CLUH: variants seen among roughly 807,000 people sequenced by gnomAD.
CLUH encodes clustered mitochondria protein homolog.
A neutral mutation model predicts 139.3 loss-of-function variants in CLUH; 77 were observed. The ratio of observed to expected loss-of-function variants is 0.55; its 90% CI spans 0.46 to 0.67. The LOEUF is 0.67. Among genes scored for constraint, CLUH ranks in the 30% least tolerant of loss-of-function variants. The pLI is 0.00. For missense variants in CLUH, 1,876 were observed against 1,875.8 expected (o/e 1.00, Z 0.00); for synonymous variants, 999 against 801.6 (o/e 1.25, Z -4.16).
intron 8 of CLUH, 30 bp from the exon 9 acceptor site, chr17:2,700,504 G>A (rs1467425838): frequency 1.9e-6 from 3 of 1,598,726 alleles, no homozygotes; most frequent in Non-Finnish European, 1.7e-6. Context: ...GGAAAAACGA[G>A]CTCAGCCTGT....
In CLUH at chr17:2,692,761, G is replaced by C; in HGVS notation, c.3312+19C>G. 6.3e-7 allele frequency: 1 copy of C among 1,599,832 alleles called. No individual in the cohort carries two copies. Among genetic ancestry groups the C allele is most frequent in the South Asian group, 1.1e-5 (1 of 90,164 alleles). On this transcript the variant is annotated intron_variant, in intron 20 of 25. Transcript: ENST00000651024. Reference sequence around the variant, plus strand: ...CCAGCCCCTCGCATCCCCCGGCGCGGGCGGCACTCGCGACTCACGTATTCC... The same window carrying C: ...CCAGCCCCTCGCATCCCCCGGCGCGCGCGGCACTCGCGACTCACGTATTCC...
chr17:2,698,653 C>T lies in CLUH; in HGVS notation c.1267-63G>A, dbSNP rs1438026712. On this transcript the variant is annotated intron_variant, in intron 9 of 25. Transcript: ENST00000651024. ...CCCACAAGAGCCTGCATCCACCTGGCCAAGCGCACGCACCTAGACCGCGGA... is the reference window on the plus strand; with the variant it reads ...CCCACAAGAGCCTGCATCCACCTGGTCAAGCGCACGCACCTAGACCGCGGA... The T allele has an allele frequency of 9.7e-5, 140 of 1,442,374 alleles. 1 individual carries two copies. The highest frequency in any genetic ancestry group is 1.3e-4 in the Non-Finnish European group (138 of 1,082,786). The allele number at this position is 1,442,374 out of a possible 1,614,324, so 89.3% of individuals were successfully genotyped here. A position where few individuals can be genotyped will look rare whatever the true frequency, so the allele number is the denominator to read the frequency against.
At position 2,690,635 on chromosome 17, in the gene CLUH, G is replaced by T; in HGVS notation, c.4006C>A (p.Pro1336Thr). ...AGAPGDLGSQPPAAKDPSPSV... is the reference protein window; with the variant it reads ...AGAPGDLGSQTPAAKDPSPSV... The stretch of plus-strand genomic sequence containing the variant: ...GGAGAAGGGTCCTTGGCAGCCGGGG[G>T]CTGGGAGCCCAGGTCTCCTGGGGCC... Residue 1336 changes from proline to threonine, a missense_variant, in exon 26 of 26, where the codon CCC becomes ACC. Around this residue, in one of 3 missense-constraint regions of CLUH, gnomAD observed 1,454 missense variants for 1,384.4 expected, o/e 1.05. Transcript: ENST00000651024. 1 of 1,509,684 alleles carries T rather than the reference G, an allele frequency of 6.6e-7. No individual in the cohort carries two copies. Among genetic ancestry groups the T allele is most frequent in the Non-Finnish European group, 8.8e-7 (1 of 1,135,438 alleles). The allele number at this position is 1,509,684 out of a possible 1,614,324, so 93.5% of individuals were successfully genotyped here.
chr17:2,691,950 C>A lies in CLUH; in HGVS notation c.3654+54G>T, dbSNP rs1344900436. On this transcript the variant is annotated intron_variant, in intron 23 of 25. Transcript: ENST00000651024. ...CCCCGTGCCCCCGCGGCCCCGCCCC[C>A]GCCCCGCCACGCCCCCGCCCCGCCC... 6.4e-6 allele frequency: 7 copies of A among 1,097,250 alleles called. 1 individual carries two copies. Among genetic ancestry groups the A allele is most frequent in the East Asian group, 4.3e-5 (1 of 23,384 alleles). The allele number at this position is 1,097,250 out of a possible 1,614,324, so 68.0% of individuals were successfully genotyped here. A position where few individuals can be genotyped will look rare whatever the true frequency, so the allele number is the denominator to read the frequency against.
In CLUH at chr17:2,692,816, C is replaced by G; in HGVS notation, c.3276G>C (p.Val1092=). Residue 1092 remains valine (V), a synonymous_variant, in exon 20 of 26, where the codon GTG becomes GTC. Coordinates refer to ENST00000651024, the MANE Select transcript of CLUH (RefSeq NM_001366661.1). ...QQKAVLMSER[V]MGTEHPNTIQ... ...TGGTGTTGGGGTGCTCGGTGCCCAT[C>G]ACCCGCTCGCTCATCAGCACCGCCT... 6.2e-7 allele frequency: 1 copy of G among 1,604,434 alleles called. No homozygotes were observed. Among genetic ancestry groups the G allele is most frequent in the Non-Finnish European group, 8.5e-7 (1 of 1,173,818 alleles).
chr17:2,690,876 C>T, intron 25 of CLUH, 99 bp from the exon 26 acceptor site: 1 of 949,916 alleles, frequency 1.1e-6, no homozygotes, highest in Non-Finnish European at 1.5e-6. Flanking sequence ...GCTCTGCGCT[C>T]TATTCAGTGG....
chr17:2,701,818 G>T, intron 4 of CLUH, 81 bp from the exon 5 acceptor site: 2 of 1,574,238 alleles, frequency 1.3e-6, no homozygotes, highest in Non-Finnish European at 8.6e-7. Flanking sequence ...CGTGGTCCGG[G>T]TGCCTCAGGC....
At position 2,707,184 on chromosome 17, in the gene CLUH, G is replaced by C. The variant is rs933186061; in HGVS notation, c.101-2620C>G. ...GTCCCGGTGCTCACCTGGTGCAGTT[G>C]GCAGCTGCCCTCCCCTCGGCTCTGG... On this transcript the variant is annotated intron_variant, in intron 1 of 25. Coordinates refer to ENST00000651024, the MANE Select transcript of CLUH (RefSeq NM_001366661.1). This position sits in a 1 kb window ranked among gnomAD's most constrained non-coding sequence, Gnocchi z 7.4. The C allele has an allele frequency of 1.0e-6, 1 of 985,394 alleles. No individual in the cohort carries two copies. Among genetic ancestry groups the C allele is most frequent in the South Asian group, 4.7e-5 (1 of 21,290 alleles). The allele number at this position is 985,394 out of a possible 1,614,324, so 61.0% of individuals were successfully genotyped here.
chr17:2,709,099 G>A (rs547332706), intron 1 of CLUH, among the ~76,000 whole-genome samples: 58 of 152,200 alleles, frequency 3.8e-4, no homozygotes, highest in African/African-American at 1.2e-3. Context: ...TGGAGGCGCC[G>A]GGAGCTCAAA....
In CLUH at chr17:2,701,188, T is replaced by A. The variant is rs1199486003; in HGVS notation, c.977A>T (p.Gln326Leu). 6.2e-7 allele frequency: 1 copy of A among 1,613,964 alleles called. No individual in the cohort carries two copies. The highest frequency in any genetic ancestry group is 1.7e-5 in the Admixed American group (1 of 60,008). The change falls in exon 7 of 26, where the codon CAG becomes CTG. Residue 326 changes from glutamine (Q) to leucine (L), a missense_variant. Physicochemically the swap from Gln to Leu is moderately radical, Grantham distance 113. Around this residue, in one of 3 missense-constraint regions of CLUH, gnomAD observed 270 missense variants for 354.7 expected, o/e 0.76. Coordinates refer to ENST00000651024, the MANE Select transcript of CLUH (RefSeq NM_001366661.1). The part of the protein sequence containing the change: ...LSHSLVELLN[Q>L]ISPTFKKNFA... ...GTTCTTCTTGAAGGTCGGGCTGATC[T>A]GGTTGAGCAGCTCCACTAGGGAATG...
Position 2,703,533 on chromosome 17 carries a change from G to C in CLUH, c.304-44C>G. 1 of 1,592,414 alleles carries C rather than the reference G, an allele frequency of 6.3e-7. No individual in the cohort carries two copies. On this transcript the variant is annotated intron_variant, in intron 2 of 25. Transcript: ENST00000651024. This position sits in a 1 kb window ranked among gnomAD's most constrained non-coding sequence, Gnocchi z 4.2. ...GCCCACCCCGGTGAGAGAGCACGTA[G>C]CGGGGAGAGAAGGCCCCAACCGCCC...
At chr17:2,708,400 G>A (rs2070411035) in intron 1 of CLUH, among the ~76,000 whole-genome samples, 1 of 152,200 alleles carries the variant, frequency 6.6e-6, no homozygotes, top group East Asian at 1.9e-4. Flanking sequence ...CCCCAGAGAA[G>A]TGTTGACAAC....
chr17:2,701,099 C>T (rs753716728), intron 7 of CLUH, 41 bp downstream of exon 7: 10 of 1,612,796 alleles, frequency 6.2e-6, no homozygotes, highest in East Asian at 4.5e-5. Context: ...CCCATGCCCC[C>T]GTGTGCCATG....
chr17:2,693,796 T>C, intron 19 of CLUH, 104 bp downstream of exon 19: 1 of 1,420,728 alleles, frequency 7.0e-7, no homozygotes, highest in South Asian at 1.4e-5. Context: ...ACCAGCGACT[T>C]CCTGGGGTCT....
chr17:2,690,067 T>G lies in CLUH; in HGVS notation c.*527A>C, dbSNP rs1567571846. 1 of 150,570 alleles carries G rather than the reference T, an allele frequency of 6.6e-6. No individual in the cohort carries two copies. Among genetic ancestry groups the G allele is most frequent in the East Asian group, 2.0e-4 (1 of 5,098 alleles). 9.3% of individuals were successfully genotyped at this position (150,570 alleles called of 1,614,324 possible). ...TCCAGCCCCGCCACAGAGCTCCGGC[T>G]CCCCACCCCTCCCCACCGGGTTTTT... is the stretch of plus-strand genomic sequence containing the variant. On this transcript the variant is annotated 3_prime_UTR_variant, in exon 26 of 26. Transcript: ENST00000651024.
rs371156312 is a variant in CLUH at position 2,701,159 on chromosome 17, C to T, written c.1006G>A (p.Ala336Thr). The T allele has an allele frequency of 1.2e-4, 187 of 1,613,832 alleles. No individual in the cohort carries two copies. Among genetic ancestry groups the T allele is most frequent in the East Asian group, 3.1e-4 (14 of 44,894 alleles). ...CACTACCTTTTCTTCTGCAGCACAGCGAAGTTCTTCTTGAAGGTCGGGCTG... is the reference window on the plus strand; with the variant it reads ...CACTACCTTTTCTTCTGCAGCACAGTGAAGTTCTTCTTGAAGGTCGGGCTG... Reference protein sequence around the residue: ...QISPTFKKNFAVLQKKRVQRH... With the variant: ...QISPTFKKNFTVLQKKRVQRH... Residue 336 changes from alanine (A) to threonine (T), a missense_variant, in exon 7 of 26, where the codon GCT becomes ACT. Ala to Thr is a moderately conservative substitution (Grantham distance 58). Coordinates refer to ENST00000651024, the MANE Select transcript of CLUH (RefSeq NM_001366661.1).
intron 1 of CLUH, among the ~76,000 whole-genome samples, chr17:2,710,541 G>A (rs1158778395): frequency 6.6e-6 from 1 of 152,166 alleles, no homozygotes; most frequent in Non-Finnish European, 1.5e-5. Flanking sequence ...GAGGGACTGG[G>A]GGACAGGAGT....
At chr17:2,697,005 C>G in intron 10 of CLUH, 63 bp from the exon 11 acceptor site, 1 of 1,325,224 alleles carries the variant, frequency 7.5e-7, no homozygotes, top group Non-Finnish European at 1.0e-6. Flanking sequence ...TCTGCTGGCC[C>G]ACGGCTCCCG....
At position 2,690,331 on chromosome 17, in the gene CLUH, C is replaced by CAA. The variant is rs2069571845; in HGVS notation, c.*262_*263insTT. ...CGGCGGGGGCCGAAGCAACACCTGC[C>CAA]CCCCAGCCGGGAACTGATGGCCGCA... On this transcript the variant is annotated 3_prime_UTR_variant, in exon 26 of 26. Coordinates refer to ENST00000651024, the MANE Select transcript of CLUH (RefSeq NM_001366661.1). 3 of 404,570 alleles carry CAA rather than the reference C, an allele frequency of 7.4e-6. No individual in the cohort carries two copies. Among genetic ancestry groups the CAA allele is most frequent in the African/African-American group, 2.1e-5 (1 of 48,416 alleles). The allele number at this position is 404,570 out of a possible 1,614,324, so 25.1% of individuals were successfully genotyped here. A position where few individuals can be genotyped will look rare whatever the true frequency, so the allele number is the denominator to read the frequency against.
Sources: gnomAD v4.1 joint callset for allele counts (sites outside exome capture counted in the v4.1 genomes callset) on GRCh38, gnomAD v4.1.1 for gene constraint, gnomAD v4.1.1 regional missense constraint, Gnocchi (gnomAD v3.1) non-coding constraint, MANE v1.5 for transcripts, NCBI Gene and HGNC (gene_info 2026-07-23, HGNC 2026-07-21) for gene names.